The following MEGF10 variants were observed in gnomAD, a reference collection of about 807,000 sequenced individuals.
MEGF10 encodes the protein multiple epidermal growth factor-like domains protein 10.
MEGF10 carries 86 observed loss-of-function variants against 147.5 expected under a neutral mutation model. The observed-to-expected ratio is 0.58, with a 90% CI of 0.49 to 0.70. The LOEUF is 0.70. Among genes scored for constraint, MEGF10 ranks in the 30% least tolerant of loss-of-function variants. The pLI, the probability that MEGF10 is intolerant of heterozygous loss-of-function variation, is 0.00. For missense variants in MEGF10, 1,329 were observed against 1,487.3 expected (o/e 0.89, Z 1.75); for synonymous variants, 478 against 525.5 (o/e 0.91, Z 1.24).
Position 127,449,065 on chromosome 5 carries a change from G to GT in MEGF10, c.2857-29dup, listed in dbSNP as rs570139113. 1.5e-4 allele frequency: 241 copies of GT among 1,612,944 alleles called. No homozygotes were observed. In the African/African-American group the frequency reaches 3.1e-3, roughly 21 times the overall value. On this transcript the variant is annotated intron_variant, in intron 21 of 24. Transcript: ENST00000503335. The stretch of plus-strand genomic sequence containing the variant: ...GCTGTGCTGTGCCGCATTGTATTTT[G>GT]TTTTTAATCTTTCGTTGTTTATATT...
At chr5:127,314,058 C>T (rs1760416186) in intron 1 of MEGF10, among the ~76,000 whole-genome samples, 1 of 152,068 alleles carries the variant, frequency 6.6e-6, no homozygotes, top group Non-Finnish European at 1.5e-5. Context: ...CACCTCCTGG[C>T]GGAATAGGTC....
At chr5:127,390,861 C>T (rs552218034) in intron 5 of MEGF10, among the ~76,000 whole-genome samples, 1 of 152,090 alleles carries the variant, frequency 6.6e-6, no homozygotes, top group African/African-American at 2.4e-5. Flanking sequence ...TGTGCTTCAC[C>T]CCTTGCTACC....
At chr5:127,319,321 C>T (rs1760702638) in intron 1 of MEGF10, among the ~76,000 whole-genome samples, 1 of 152,078 alleles carries the variant, frequency 6.6e-6, no homozygotes, top group East Asian at 1.9e-4. Context: ...AGTGATCCAC[C>T]TACCTCGGCC....
At chr5:127,418,551 T>C (rs1032681842) in intron 10 of MEGF10, among the ~76,000 whole-genome samples, 5 of 152,236 alleles carry the variant, frequency 3.3e-5, no homozygotes, top group Non-Finnish European at 7.3e-5. Flanking sequence ...GAATTAGCTT[T>C]GTCTTAAGAG....
rs550410808 is a variant in MEGF10 at position 127,364,606 on chromosome 5, A to G, written c.320-5304A>G. 7.9e-5 allele frequency among the ~76,000 whole-genome samples: 12 copies of G among 152,360 alleles called. No individual in the cohort carries two copies. In the East Asian group the frequency reaches 2.3e-3, roughly 29 times the overall value. On this transcript the variant is annotated intron_variant, in intron 4 of 24. Coordinates refer to ENST00000503335, the MANE Select transcript of MEGF10 (RefSeq NM_001256545.2). ...CAAACACAATAGGGTAGGCTGCAAT[A>G]TAATGTTTGGAAATATGAAAGCAAA...
At chr5:127,410,111 C>T (rs1199221006) in intron 8 of MEGF10, among the ~76,000 whole-genome samples, 1 of 152,148 alleles carries the variant, frequency 6.6e-6, no homozygotes, top group Non-Finnish European at 1.5e-5. Context: ...GTAAACATGC[C>T]TCATGTCCTA....
At chr5:127,412,330 T>G (rs949049184) in intron 9 of MEGF10, among the ~76,000 whole-genome samples, 3 of 152,228 alleles carry the variant, frequency 2.0e-5, no homozygotes, top group South Asian at 4.1e-4. Context: ...GACTCTATCT[T>G]GTTGAATTAA....
intron 9 of MEGF10, among the ~76,000 whole-genome samples, chr5:127,411,528 A>G (rs569629733): frequency 7.2e-5 from 11 of 152,182 alleles, no homozygotes; most frequent in African/African-American, 2.6e-4. Context: ...ATTGTTAGTA[A>G]CAAAAATATA....
chr5:127,357,628 T>TAAATAAATAAAA (rs1200837347), intron 4 of MEGF10, among the ~76,000 whole-genome samples: 1 of 134,984 alleles, frequency 7.4e-6, no homozygotes, highest in Non-Finnish European at 1.7e-5. Flanking sequence ...AATAAATAAA[T>TAAATAAATAAAA]AAAATTTAAA....
At chr5:127,286,419 G>A (rs913950576), upstream of MEGF10, among the ~76,000 whole-genome samples, 1 of 151,928 alleles carries the variant, frequency 6.6e-6, no homozygotes, top group Non-Finnish European at 1.5e-5. Context: ...CATGAATTCT[G>A]CAAATATGTA....
At chr5:127,238,061 A>ATATG in the MEGF10 span, among the ~76,000 whole-genome samples, 1 of 112,098 alleles carries the variant, frequency 8.9e-6, no homozygotes, top group Admixed American at 9.6e-5. Context: ...ATATATATAT[A>ATATG]TATGTATATA....
intron 4 of MEGF10, among the ~76,000 whole-genome samples, chr5:127,346,394 G>A (rs145766892): frequency 6.0e-4 from 92 of 152,150 alleles, no homozygotes; most frequent in African/African-American, 2.1e-3. Flanking sequence ...TTTAATTATG[G>A]CCATTCTTGC....
At chr5:127,437,138 T>A (rs117572617) in intron 16 of MEGF10, among the ~76,000 whole-genome samples, 3,959 of 152,262 alleles carry the variant, frequency 0.026, 48 homozygotes, top group East Asian at 0.045. Flanking sequence ...ATCTAAGGAA[T>A]AGGTTGTTTT....
chr5:127,370,894 C>T (rs963787310), intron 5 of MEGF10, among the ~76,000 whole-genome samples: 5 of 152,136 alleles, frequency 3.3e-5, no homozygotes, highest in Admixed American at 1.3e-4. Context: ...AGGAAGCCAT[C>T]GTTTTAAAAA....
intron 20 of MEGF10, among the ~76,000 whole-genome samples, chr5:127,447,044 A>G (rs984904520): frequency 6.6e-6 from 1 of 152,170 alleles, no homozygotes; most frequent in African/African-American, 2.4e-5. Flanking sequence ...AAGCTTTCAT[A>G]CTTTTCCAAG....
chr5:127,420,306 T>G, intron 12 of MEGF10, 99 bp downstream of exon 12: 1 of 1,357,942 alleles, frequency 7.4e-7, no homozygotes. Context: ...AGTGGCTCAC[T>G]GTGAACCCAA....
At chr5:127,336,699 G>A (rs1761484350) in intron 2 of MEGF10, among the ~76,000 whole-genome samples, 1 of 152,032 alleles carries the variant, frequency 6.6e-6, no homozygotes, top group Non-Finnish European at 1.5e-5. Context: ...GAAATTTTCT[G>A]GAAACTCTGT....
chr5:127,294,575 G>A (rs1342698727), intron 1 of MEGF10, among the ~76,000 whole-genome samples: 8 of 152,096 alleles, frequency 5.3e-5, no homozygotes, highest in Admixed American at 4.6e-4. Flanking sequence ...GAGGTGGGAA[G>A]ATCACTTGAG....
At chr5:127,395,637 C>T (rs973368976) in intron 5 of MEGF10, among the ~76,000 whole-genome samples, 10 of 149,002 alleles carry the variant, frequency 6.7e-5, no homozygotes, top group Non-Finnish European at 8.9e-5. Flanking sequence ...CTCCGCCTCC[C>T]GGGTTCACGC....
Sources: allele counts gnomAD v4.1 joint callset (sites outside exome capture counted in the v4.1 genomes callset), GRCh38; gene constraint gnomAD v4.1.1; transcripts MANE v1.5; gene names NCBI Gene and HGNC (gene_info 2026-07-23, HGNC 2026-07-21).